Variants in GUCY2F observed in about 807,000 individuals in gnomAD.
GUCY2F encodes the protein retinal guanylyl cyclase 2.
In GUCY2F, 61 loss-of-function variants were observed where a neutral mutation model predicts 73.1. The ratio of observed to expected loss-of-function variants is 0.83; its 90% CI spans 0.68 to 1.03. The LOEUF is 1.03. Ranked by LOEUF, GUCY2F falls within the 50% of genes least tolerant of loss-of-function variation. The probability of loss-of-function intolerance (pLI) is 0.00; values close to 1 mark genes in which losing one functional copy is unlikely to be tolerated. For missense variants in GUCY2F, 912 were observed against 854.3 expected (o/e 1.07, Z -0.84); for synonymous variants, 331 against 307.8 (o/e 1.08, Z -0.79).
At chrX:109,422,034 T>C (rs1292488074) in intron 8 of GUCY2F, among the ~76,000 whole-genome samples, 1 of 111,679 alleles carries the variant, frequency 9.0e-6, no homozygotes, top group Non-Finnish European at 1.9e-5. Flanking sequence ...AAAATACTAA[T>C]TTATTTTAAT....
At chrX:109,384,327 A>T (rs1217416522) in intron 16 of GUCY2F, among the ~76,000 whole-genome samples, 1 of 112,279 alleles carries the variant, frequency 8.9e-6, no homozygotes, top group South Asian at 3.7e-4. Flanking sequence ...CTTTTTTGGT[A>T]CAAAATCCAT....
intron 8 of GUCY2F, among the ~76,000 whole-genome samples, chrX:109,409,530 C>T (rs1478037194): frequency 1.8e-5 from 2 of 111,485 alleles, no homozygotes; most frequent in African/African-American, 3.3e-5. Context: ...CCTCTAGAAG[C>T]TGGTAACCAC....
intron 16 of GUCY2F, among the ~76,000 whole-genome samples, chrX:109,383,038 A>T (rs189844901): frequency 1.5e-3 from 162 of 109,146 alleles, no homozygotes; most frequent in Admixed American, 1.8e-3. Flanking sequence ...CATTTTTTTT[A>T]AAAAAAAAGC....
intron 7 of GUCY2F, among the ~76,000 whole-genome samples, chrX:109,432,556 A>C (rs1029598477): frequency 8.9e-6 from 1 of 112,350 alleles, no homozygotes; most frequent in East Asian, 2.8e-4. Context: ...CCACTATGGC[A>C]CCTTTGTGCT....
chrX:109,459,523 G>A (rs1348460894), intron 3 of GUCY2F, among the ~76,000 whole-genome samples: 1 of 111,580 alleles, frequency 9.0e-6, no homozygotes, highest in African/African-American at 3.3e-5. Flanking sequence ...CAGCTCCAGA[G>A]CTGGGGCACT....
At chrX:109,390,599 C>T (rs1930537157) in intron 14 of GUCY2F, among the ~76,000 whole-genome samples, 1 of 112,693 alleles carries the variant, frequency 8.9e-6, no homozygotes, top group African/African-American at 3.2e-5. Context: ...TGGCCTATTG[C>T]TAAGACCCCC....
Position 109,409,045 on chromosome X carries a change from C to T in GUCY2F, c.1915G>A (p.Asp639Asn), listed in dbSNP as rs764623461. ...TTAAACATCCAGTCAAGTTTCACAT[C>T]TTGATTTGTCAGTATGTCTTCTAGG... Reference protein sequence around the residue: ...GSLEDILTNQDVKLDWMFKSS... With the variant: ...GSLEDILTNQNVKLDWMFKSS... The change falls in exon 9 of 20, where the codon GAT becomes AAT. Residue 639 changes from aspartate (D) to asparagine (N), a missense_variant. Asp to Asn is a conservative substitution (Grantham distance 23). Coordinates refer to ENST00000218006, the MANE Select transcript of GUCY2F (RefSeq NM_001522.3). 1 of 1,138,074 alleles carries T rather than the reference C, an allele frequency of 8.8e-7. No homozygotes were observed. Among genetic ancestry groups the T allele is most frequent in the Admixed American group, 2.2e-5 (1 of 45,948 alleles). The allele number at this position is 1,138,074 out of a possible 1,213,427, so 93.8% of individuals were successfully genotyped here.
chrX:109,446,434 T>C (rs1363915148), intron 6 of GUCY2F, among the ~76,000 whole-genome samples: 5 of 111,161 alleles, frequency 4.5e-5, no homozygotes, highest in African/African-American at 1.6e-4. Context: ...GAGATATAGA[T>C]CAATGGAACA....
intron 1 of GUCY2F, among the ~76,000 whole-genome samples, chrX:109,480,446 T>C (rs1306079880): frequency 9.0e-6 from 1 of 111,482 alleles, no homozygotes; most frequent in Non-Finnish European, 1.9e-5. Context: ...GAGGATGGAC[T>C]ACTTTTTGAG....
At chrX:109,436,369 C>T (rs999430421) in intron 7 of GUCY2F, among the ~76,000 whole-genome samples, 1 of 110,890 alleles carries the variant, frequency 9.0e-6, no homozygotes, top group Admixed American at 9.6e-5. Flanking sequence ...TTGTGGAAGT[C>T]AGTGTGGCGA....
At chrX:109,381,147 T>G in intron 17 of GUCY2F, among the ~76,000 whole-genome samples, 1 of 112,369 alleles carries the variant, frequency 8.9e-6, no homozygotes, top group East Asian at 2.8e-4. Flanking sequence ...CCTTCCAAAC[T>G]TTAACATCTG....
rs940344679 is a variant in GUCY2F, at chrX:109,475,309, GA to G, written c.627del (p.Arg210GlyfsTer7). On this transcript the variant is annotated frameshift_variant, in exon 2 of 20. Coordinates refer to ENST00000218006, the MANE Select transcript of GUCY2F (RefSeq NM_001522.3). LOFTEE classifies it high-confidence loss of function. ...ACCCCTACAGGTAAGCCGTGGCTCC[GA>G]AGAGCACTTGCGACTCGATTGGCTG... ...VHTANRVASALRSHGLPVGVV... is the reference protein window; with the variant it reads ...VHTANRVASAXRSHGLPVGVV... 1.1e-5 allele frequency: 13 copies of G among 1,208,965 alleles called. No homozygotes were observed. In the Admixed American group the frequency reaches 2.8e-4, roughly 26 times the overall value.
At chrX:109,453,379 A>G in intron 4 of GUCY2F, 126 bp downstream of exon 4, 1 of 441,603 alleles carries the variant, frequency 2.3e-6, no homozygotes, top group Admixed American at 4.1e-5. Context: ...CAAGAAGTGT[A>G]TGTCACTCGA....
At chrX:109,383,890 A>G (rs182808319) in intron 16 of GUCY2F, among the ~76,000 whole-genome samples, 59 of 112,562 alleles carry the variant, frequency 5.2e-4, no homozygotes, top group Non-Finnish European at 9.9e-4. Flanking sequence ...AGTCCAGAAT[A>G]CTGTGCCAAA....
intron 10 of GUCY2F, among the ~76,000 whole-genome samples, chrX:109,402,561 T>TG (rs1930870233): frequency 9.0e-6 from 1 of 110,785 alleles, no homozygotes; most frequent in Non-Finnish European, 1.9e-5. Flanking sequence ...TTAGTAGAGA[T>TG]GGGGTTTCAC....
intron 14 of GUCY2F, among the ~76,000 whole-genome samples, chrX:109,390,147 G>T (rs1263135372): frequency 9.0e-6 from 1 of 111,568 alleles, no homozygotes; most frequent in Non-Finnish European, 1.9e-5. Context: ...GGATATGGAT[G>T]AGGAGATTAG....
At chrX:109,412,842 C>T (rs1299480491) in intron 8 of GUCY2F, among the ~76,000 whole-genome samples, 1 of 111,416 alleles carries the variant, frequency 9.0e-6, no homozygotes, top group Non-Finnish European at 1.9e-5. Flanking sequence ...GGCTTTTATA[C>T]CCTCTTCCAT....
chrX:109,470,477 G>A (rs770120732), intron 2 of GUCY2F, among the ~76,000 whole-genome samples: 12 of 111,696 alleles, frequency 1.1e-4, no homozygotes, highest in African/African-American at 2.9e-4. Flanking sequence ...GTACGTTGAG[G>A]CACATAAAAG....
chrX:109,424,294 C>T (rs887423992), intron 8 of GUCY2F, among the ~76,000 whole-genome samples: 12 of 111,877 alleles, frequency 1.1e-4, no homozygotes, highest in Admixed American at 6.6e-4. Context: ...GAGATTTAAG[C>T]AGAGAAGTGA....
Sources: gnomAD v4.1 joint callset for allele counts (sites outside exome capture counted in the v4.1 genomes callset) on GRCh38, gnomAD v4.1.1 for gene constraint, MANE v1.5 for transcripts, NCBI Gene and HGNC (gene_info 2026-07-23, HGNC 2026-07-21) for gene names.